CACNA2D3: variants seen among roughly 807,000 people sequenced by gnomAD.
CACNA2D3 encodes the protein calcium voltage-gated channel auxiliary subunit alpha2delta 3, also known as voltage-dependent calcium channel subunit alpha-2/delta-3.
In CACNA2D3, 60 loss-of-function variants were observed where a neutral mutation model predicts 160.6. The observed-to-expected ratio is 0.37, with a 90% CI of 0.30 to 0.46. The LOEUF (loss-of-function observed/expected upper bound fraction) is 0.46. Ranked by LOEUF, CACNA2D3 falls within the 20% of genes least tolerant of loss-of-function variation. The pLI is 1.00. For synonymous variants in CACNA2D3, 558 were observed against 492.9 expected, an observed-to-expected ratio of 1.13 and a Z score of -1.75; for missense variants, 1,205 against 1,365.0, an observed-to-expected ratio of 0.88 and a Z score of 1.85.
intron 11 of CACNA2D3, among the ~76,000 whole-genome samples, chr3:54,706,081 C>G (rs1301850281): frequency 6.6e-6 from 1 of 152,212 alleles, no homozygotes; most frequent in Non-Finnish European, 1.5e-5. Flanking sequence ...GAGCCTCATT[C>G]CCACATTGAA....
chr3:54,807,841 G>T (rs1463751065), intron 13 of CACNA2D3, among the ~76,000 whole-genome samples: 1 of 150,736 alleles, frequency 6.6e-6, no homozygotes, highest in South Asian at 2.1e-4. Flanking sequence ...TTAAGAAAAT[G>T]TGGCACATAT....
At chr3:54,432,521 A>AT (rs543686087) in intron 4 of CACNA2D3, among the ~76,000 whole-genome samples, 9 of 151,980 alleles carry the variant, frequency 5.9e-5, no homozygotes, top group East Asian at 1.9e-4. Context: ...ATTATCTGTG[A>AT]TTTTTTTTCC....
intron 3 of CACNA2D3, among the ~76,000 whole-genome samples, chr3:54,341,659 T>C (rs73841984): frequency 0.026 from 3,994 of 152,320 alleles, 174 homozygotes; most frequent in African/African-American, 0.091. Flanking sequence ...CAAGTGTCAG[T>C]AGCATCTCCA....
intron 2 of CACNA2D3, among the ~76,000 whole-genome samples, chr3:54,126,217 A>T (rs1445196430): frequency 6.6e-6 from 1 of 152,236 alleles, no homozygotes; most frequent in Non-Finnish European, 1.5e-5. Context: ...TCATTTTTGC[A>T]CTAAAACATA....
At chr3:55,016,426 G>A (rs1703328450) in intron 34 of CACNA2D3, among the ~76,000 whole-genome samples, 1 of 152,224 alleles carries the variant, frequency 6.6e-6, no homozygotes, top group African/African-American at 2.4e-5. Flanking sequence ...ATGTAAAATG[G>A]TTAAAAGCTT....
chr3:54,702,304 T>A (rs185345604), intron 11 of CACNA2D3, among the ~76,000 whole-genome samples: 9 of 152,156 alleles, frequency 5.9e-5, no homozygotes, highest in Admixed American at 5.2e-4. Flanking sequence ...AAAGAAGTTA[T>A]CAACAAAGTA....
chr3:54,444,859 A>G (rs1380617878), intron 4 of CACNA2D3, among the ~76,000 whole-genome samples: 1 of 152,222 alleles, frequency 6.6e-6, no homozygotes, highest in Non-Finnish European at 1.5e-5. Context: ...AATTCCTTTT[A>G]CTATTGCTTT....
At chr3:54,665,757 G>GGGTA (rs1176206932) in intron 11 of CACNA2D3, among the ~76,000 whole-genome samples, 1 of 151,932 alleles carries the variant, frequency 6.6e-6, no homozygotes, top group African/African-American at 2.4e-5. Context: ...ATGGGTGGGT[G>GGGTA]GGTACATGGA....
chr3:54,904,901 AT>A (rs1700419110), intron 27 of CACNA2D3, among the ~76,000 whole-genome samples: 2 of 152,332 alleles, frequency 1.3e-5, no homozygotes, highest in Non-Finnish European at 2.9e-5. Context: ...ATTTTAAGGA[AT>A]AGAAAATTGT....
rs58652360 is a variant in CACNA2D3, at chr3:54,571,612, A to AGTGTGTGTGT, written c.888+1546_888+1555dup. Among the ~76,000 whole-genome samples the AGTGTGTGTGT allele has an allele frequency of 1.3e-4, 18 of 136,312 alleles. No homozygotes were observed. The East Asian group carries it at 1.3e-3, about 10-fold the overall frequency. The allele number at this position is 136,312 out of a possible 152,430, so 89.4% of individuals were successfully genotyped here. ...CTTTGAGTCCTTGAGCACTTAACCA[A>AGTGTGTGTGT]GTGTGTGTGTGTGTGTGTGTGTGTG... On this transcript the variant is annotated intron_variant, in intron 8 of 37. Coordinates refer to ENST00000474759, the MANE Select transcript of CACNA2D3 (RefSeq NM_018398.3).
At chr3:54,411,776 G>T (rs948334729) in intron 4 of CACNA2D3, among the ~76,000 whole-genome samples, 1 of 152,120 alleles carries the variant, frequency 6.6e-6, no homozygotes, top group South Asian at 2.1e-4. Context: ...CAGACGTCAT[G>T]CTAAACAAAG....
chr3:54,938,060 C>T (rs542388538), intron 27 of CACNA2D3, among the ~76,000 whole-genome samples: 16 of 152,324 alleles, frequency 1.1e-4, no homozygotes, highest in South Asian at 2.1e-4. Flanking sequence ...TCCCCGTACA[C>T]GTTTCTCAGA....
intron 5 of CACNA2D3, among the ~76,000 whole-genome samples, chr3:54,517,621 G>C (rs1028849375): frequency 6.6e-6 from 1 of 152,160 alleles, no homozygotes; most frequent in Non-Finnish European, 1.5e-5. Flanking sequence ...AATATAACGT[G>C]GTTTACTGAC....
At chr3:54,672,128 T>C (rs1289031576) in intron 11 of CACNA2D3, among the ~76,000 whole-genome samples, 1 of 152,194 alleles carries the variant, frequency 6.6e-6, no homozygotes, top group Non-Finnish European at 1.5e-5. Flanking sequence ...GAGACCTCAT[T>C]TGGTACAGGA....
chr3:54,212,708 G>A (rs894520920), intron 2 of CACNA2D3, among the ~76,000 whole-genome samples: 1 of 152,148 alleles, frequency 6.6e-6, no homozygotes, highest in African/African-American at 2.4e-5. Context: ...TTGGCTGAGA[G>A]GGGAGGGATC....
chr3:55,000,599 C>G (rs1019417955), intron 31 of CACNA2D3, among the ~76,000 whole-genome samples: 2 of 152,180 alleles, frequency 1.3e-5, no homozygotes, highest in African/African-American at 4.8e-5. Flanking sequence ...TAAAAGGAAC[C>G]TTGGCCTGGG....
At chr3:54,948,738 C>A (rs1701679168) in intron 27 of CACNA2D3, among the ~76,000 whole-genome samples, 1 of 152,202 alleles carries the variant, frequency 6.6e-6, no homozygotes, top group Non-Finnish European at 1.5e-5. Flanking sequence ...TGACTGTCTG[C>A]ATGGAGGTGC....
In CACNA2D3 at chr3:54,883,662, C is replaced by T. The variant is rs1250646052; in HGVS notation, c.1913-1619C>T. On this transcript the variant is annotated intron_variant, in intron 21 of 37. Coordinates refer to ENST00000474759, the MANE Select transcript of CACNA2D3 (RefSeq NM_018398.3). ...CTAAACCCAGTTTTCTGGGAAGGTACAGTCCCTTCTCAGGGCCTTTGCACT... is the reference window on the plus strand; with the variant it reads ...CTAAACCCAGTTTTCTGGGAAGGTATAGTCCCTTCTCAGGGCCTTTGCACT... 2.0e-5 allele frequency among the ~76,000 whole-genome samples: 3 copies of T among 152,156 alleles called. No individual in the cohort carries two copies. In the East Asian group the frequency reaches 5.8e-4, roughly 29 times the overall value.
chr3:54,437,988 T>C (rs1006338882), intron 4 of CACNA2D3, among the ~76,000 whole-genome samples: 1 of 152,126 alleles, frequency 6.6e-6, no homozygotes, highest in African/African-American at 2.4e-5. Flanking sequence ...ATAGAGATAT[T>C]TACACAGTGT....
Sources: gnomAD v4.1 joint callset for allele counts (sites outside exome capture counted in the v4.1 genomes callset) on GRCh38, gnomAD v4.1.1 for gene constraint, MANE v1.5 for transcripts, NCBI Gene and HGNC (gene_info 2026-07-23, HGNC 2026-07-21) for gene names.